The following SLC35D1 variants were observed in gnomAD, a reference collection of about 807,000 sequenced individuals.
The protein encoded by SLC35D1 is solute carrier family 35 member D1.
SLC35D1 carries 31 observed loss-of-function variants against 46.7 expected under a neutral mutation model. The ratio of observed to expected loss-of-function variants is 0.66; its 90% CI spans 0.50 to 0.90. The LOEUF (loss-of-function observed/expected upper bound fraction) is 0.90. Among genes scored for constraint, SLC35D1 ranks in the 40% least tolerant of loss-of-function variants. The pLI, the probability that SLC35D1 is intolerant of heterozygous loss-of-function variation, is 0.00. For missense variants in SLC35D1, 397 were observed against 426.2 expected (o/e 0.93, Z 0.60); for synonymous variants, 195 against 164.6 (o/e 1.18, Z -1.41).
chr1:66,986,289 CATTTT>C, the SLC35D1 span: 1 of 1,464,872 alleles, frequency 6.8e-7, no homozygotes, highest in Non-Finnish European at 9.0e-7. Context: ...GTAAAAGTGC[CATTTT>C]ATTTTTAGTG....
the SLC35D1 span, among the ~76,000 whole-genome samples, chr1:66,983,813 C>T: frequency 3.3e-5 from 5 of 152,250 alleles, no homozygotes; most frequent in African/African-American, 9.6e-5. Flanking sequence ...CTGCAACCTC[C>T]GCCTCCTGGG....
chr1:67,019,629 G>A (rs1337377308), intron 10 of SLC35D1, among the ~76,000 whole-genome samples: 1 of 152,178 alleles, frequency 6.6e-6, no homozygotes, highest in Non-Finnish European at 1.5e-5. Flanking sequence ...GAAGTCACAA[G>A]GGTAATGGCC....
In SLC35D1 at chr1:67,053,902, T is replaced by A. The variant is rs775734414; in HGVS notation, c.112A>T (p.Thr38Ser). 3 of 1,613,698 alleles carry A rather than the reference T, an allele frequency of 1.9e-6. No homozygotes were observed. The highest frequency in any genetic ancestry group is 4.5e-5 in the East Asian group (2 of 44,844). The change falls in exon 1 of 12, where the codon ACC (threonine) becomes TCC (serine). Residue 38 changes from threonine to serine, a missense_variant. By Grantham distance (58) the Thr-to-Ser change is moderately conservative (BLOSUM62 1). Transcript: ENST00000235345. ...GCGGCCAGCAGCTTCAGAAACACGG[T>A]CAGCGTTTCGGCCGACGCCATCCCC... ...ELGMASAETL[T>S]VFLKLLAAGF... is the part of the protein sequence containing the mutation.
At chr1:67,014,866 C>T (rs887197604) in intron 10 of SLC35D1, among the ~76,000 whole-genome samples, 2 of 151,038 alleles carry the variant, frequency 1.3e-5, no homozygotes, top group African/African-American at 2.4e-5. Context: ...GGGGACAACA[C>T]CCAGGCCCTG....
downstream of SLC35D1, among the ~76,000 whole-genome samples, chr1:66,996,742 A>T (rs1667242142): frequency 6.6e-6 from 1 of 152,348 alleles, no homozygotes; most frequent in Admixed American, 6.5e-5. Context: ...GCAGTGCATC[A>T]TCTATAGCGT....
chr1:67,042,569 T>C (rs1645202219), intron 7 of SLC35D1, among the ~76,000 whole-genome samples: 1 of 152,156 alleles, frequency 6.6e-6, no homozygotes, highest in African/African-American at 2.4e-5. Flanking sequence ...CCTCAAGTGC[T>C]TAAGATCAGA....
At position 67,000,307 on chromosome 1, in the gene SLC35D1, A is replaced by T. The variant is rs1464149975; in HGVS notation, c.*4033T>A. 240 of 142,344 alleles carry T rather than the reference A, an allele frequency of 1.7e-3. 1 individual carries two copies. The highest frequency in any genetic ancestry group is 6.2e-3 in the African/African-American group (227 of 36,772). The allele number at this position is 142,344 out of a possible 1,614,324, so 8.8% of individuals were successfully genotyped here. On this transcript the variant is annotated 3_prime_UTR_variant, in exon 12 of 12. Coordinates refer to ENST00000235345, the MANE Select transcript of SLC35D1 (RefSeq NM_015139.3). Reference sequence around the variant, plus strand: ...CTTTCTTTTTTTTTTTTTTTTTTAAAAAAAAGGAGGGGGAGTAGGGGGAAG... The same window carrying T: ...CTTTCTTTTTTTTTTTTTTTTTTAATAAAAAGGAGGGGGAGTAGGGGGAAG...
the SLC35D1 span, chr1:66,984,987 T>G: frequency 6.9e-7 from 1 of 1,449,004 alleles, no homozygotes; most frequent in Non-Finnish European, 9.1e-7. Context: ...AAAGTTGATT[T>G]CCTTGAAGCA....
chr1:67,005,542 CCT>C (rs1292584657), intron 11 of SLC35D1, among the ~76,000 whole-genome samples: 2 of 152,214 alleles, frequency 1.3e-5, no homozygotes, highest in Admixed American at 1.3e-4. Context: ...CCAGATTCTT[CCT>C]TTTCCTCATC....
chr1:66,984,579 A>T, the SLC35D1 span: 1 of 1,587,226 alleles, frequency 6.3e-7, no homozygotes, highest in East Asian at 2.2e-5. Flanking sequence ...TAGGAGTGTC[A>T]TCTAATGGAC....
the SLC35D1 span, chr1:66,988,202 T>G: frequency 1.3e-5 from 2 of 152,298 alleles, no homozygotes; most frequent in Non-Finnish European, 2.9e-5. Flanking sequence ...GAAAACCATG[T>G]AACATACAGA....
At chr1:67,029,634 T>C (rs1288576498) in intron 8 of SLC35D1, among the ~76,000 whole-genome samples, 2 of 152,200 alleles carry the variant, frequency 1.3e-5, no homozygotes, top group Admixed American at 6.6e-5. Flanking sequence ...CCCAGCATCA[T>C]TTTCTACACA....
rs1196362013 is a variant in SLC35D1 at position 66,999,539 on chromosome 1, A to C, written c.*4801T>G. On this transcript the variant is annotated 3_prime_UTR_variant, in exon 12 of 12. Transcript: ENST00000235345. ...CTCTAAAATGAAAAAATACTGTGAGAAGCTAACACCTGTAGACAAAAATCA... is the reference window on the plus strand; with the variant it reads ...CTCTAAAATGAAAAAATACTGTGAGCAGCTAACACCTGTAGACAAAAATCA... 1 of 152,360 alleles carries C rather than the reference A, an allele frequency of 6.6e-6. No individual in the cohort carries two copies. Among genetic ancestry groups the C allele is most frequent in the African/African-American group, 2.4e-5 (1 of 41,456 alleles). 9.4% of individuals were successfully genotyped at this position (152,360 alleles called of 1,614,324 possible). A position where few individuals can be genotyped will look rare whatever the true frequency, so the allele number is the denominator to read the frequency against.
At position 67,052,764 on chromosome 1, in the gene SLC35D1, C is replaced by G. The variant is rs368795641; in HGVS notation, c.324+7G>C. The G allele has an allele frequency of 1.2e-6, 2 of 1,613,874 alleles. No homozygotes were observed. Among genetic ancestry groups the G allele is most frequent in the South Asian group, 1.1e-5 (1 of 91,066 alleles). ...CACAAAATAAAGTATCGCTTTTCTT[C>G]TTTTACCTTTCGAGGTACATTTCTG... On this transcript the variant is annotated splice_region_variant and intron_variant, in intron 3 of 11. Coordinates refer to ENST00000235345, the MANE Select transcript of SLC35D1 (RefSeq NM_015139.3).
rs917385691 is a variant in SLC35D1, at chr1:67,004,055, C to T, written c.*285G>A. 2.5e-5 allele frequency: 9 copies of T among 355,794 alleles called. No individual in the cohort carries two copies. The highest frequency in any genetic ancestry group is 1.9e-4 in the African/African-American group (9 of 47,794). 22.0% of individuals were successfully genotyped at this position (355,794 alleles called of 1,614,324 possible). A position where few individuals can be genotyped will look rare whatever the true frequency, so the allele number is the denominator to read the frequency against. ...ATTATGAAATAAAATACTTTCAAAACACTGATGTTTCACTGTCGGCATATA... is the reference window on the plus strand; with the variant it reads ...ATTATGAAATAAAATACTTTCAAAATACTGATGTTTCACTGTCGGCATATA... On this transcript the variant is annotated 3_prime_UTR_variant, in exon 12 of 12. Coordinates refer to ENST00000235345, the MANE Select transcript of SLC35D1 (RefSeq NM_015139.3).
intron 10 of SLC35D1, among the ~76,000 whole-genome samples, chr1:67,013,157 G>GATAGATAGATATATATATATATAT (rs1553264879): frequency 6.7e-5 from 2 of 29,834 alleles, no homozygotes; most frequent in African/African-American, 3.6e-4. Context: ...ATATCCTGGA[G>GATAGATAGATATATATATATATAT]ATATATATAT....
chr1:67,048,522 T>A (rs1377763968), intron 6 of SLC35D1, among the ~76,000 whole-genome samples: 1 of 152,154 alleles, frequency 6.6e-6, no homozygotes, highest in Non-Finnish European at 1.5e-5. Flanking sequence ...GCCACTCTCT[T>A]TTTTTTAGAA....
At chr1:67,013,675 AAC>A (rs1411380945) in intron 10 of SLC35D1, among the ~76,000 whole-genome samples, 7 of 152,302 alleles carry the variant, frequency 4.6e-5, no homozygotes, top group African/African-American at 1.7e-4. Context: ...TCCCTTAAGA[AAC>A]ACAAAAAAAG....
the SLC35D1 span, among the ~76,000 whole-genome samples, chr1:66,982,456 C>G: frequency 1.3e-5 from 2 of 152,102 alleles, no homozygotes; most frequent in African/African-American, 4.8e-5. Context: ...AAAAGGCATA[C>G]CAATTGTTTG....
Sources: gnomAD v4.1 joint callset for allele counts (sites outside exome capture counted in the v4.1 genomes callset) on GRCh38, gnomAD v4.1.1 for gene constraint, MANE v1.5 for transcripts, NCBI Gene and HGNC (gene_info 2026-07-23, HGNC 2026-07-21) for gene names.